MYO9A: variants seen among roughly 807,000 people sequenced by gnomAD.
MYO9A encodes myosin IXA.
Under a neutral mutation model 293.3 loss-of-function variants are expected in MYO9A, and 103 were observed. The ratio of observed to expected loss-of-function variants is 0.35; its 90% CI spans 0.30 to 0.41. The LOEUF is 0.41. MYO9A is among the 10% of genes least tolerant of loss of function. The pLI is 1.00. For synonymous variants in MYO9A, 1,001 were observed against 1,035.7 expected (o/e 0.97, Z 0.64); for missense variants, 2,685 against 3,033.0 (o/e 0.89, Z 2.69).
At chr15:71,848,723 T>G in intron 39 of MYO9A, 122 bp downstream of exon 39, 1 of 1,157,252 alleles carries the variant, frequency 8.6e-7, no homozygotes, top group South Asian at 2.1e-5. Flanking sequence ...TGAGATTTGG[T>G]GACGTTTTAC....
chr15:72,099,772 T>C (rs2080206001), intron 1 of MYO9A, among the ~76,000 whole-genome samples: 2 of 149,498 alleles, frequency 1.3e-5, no homozygotes, highest in African/African-American at 4.9e-5. Flanking sequence ...CATGGTGGCA[T>C]GCGCCTGTAG....
intron 18 of MYO9A, among the ~76,000 whole-genome samples, chr15:71,919,841 CAAAAAAAAAA>C (rs373980359): frequency 7.3e-5 from 6 of 82,482 alleles, no homozygotes; most frequent in African/African-American, 3.0e-4. Flanking sequence ...GACTCCATCT[CAAAAAAAAAA>C]AAAAAAAAAA....
intron 18 of MYO9A, among the ~76,000 whole-genome samples, chr15:71,921,923 A>G (rs1285890674): frequency 6.6e-6 from 1 of 152,014 alleles, no homozygotes; most frequent in Non-Finnish European, 1.5e-5. Flanking sequence ...CTCACTTTGC[A>G]AGTCCTCTCT....
Position 71,826,776 on chromosome 15 carries a change from T to C in MYO9A, c.7451A>G (p.Lys2484Arg). The C allele has an allele frequency of 6.2e-7, 1 of 1,614,168 alleles. No individual in the cohort carries two copies. The highest frequency in any genetic ancestry group is 8.5e-7 in the Non-Finnish European group (1 of 1,180,014). The change falls in exon 42 of 42, where the codon AAG (lysine) becomes AGG (arginine). Residue 2484 changes from lysine to arginine, a missense_variant. Transcript: ENST00000356056. ...PLGQTKFLEDKPQFISRGTFN... is the reference protein window; with the variant it reads ...PLGQTKFLEDRPQFISRGTFN... Reference sequence around the variant, plus strand: ...GGTTCCTCTGCTGATGAACTGAGGCTTGTCTTCCAGGAATTTGGTCTGGCC... The same window carrying C: ...GGTTCCTCTGCTGATGAACTGAGGCCTGTCTTCCAGGAATTTGGTCTGGCC...
At chr15:71,926,115 CTG>C (rs993934296) in intron 18 of MYO9A, among the ~76,000 whole-genome samples, 12 of 151,772 alleles carry the variant, frequency 7.9e-5, no homozygotes, top group African/African-American at 1.7e-4. Flanking sequence ...AGTGTAGTCT[CTG>C]TGTAATTTCT....
chr15:71,888,735 G>A (rs1419873701), intron 26 of MYO9A: 1 of 152,136 alleles, frequency 6.6e-6, no homozygotes, highest in African/African-American at 2.4e-5. Flanking sequence ...CCTGTTCTGA[G>A]GAGAGAATTT....
At chr15:72,106,797 CTAAAA>C (rs1307315739) in intron 1 of MYO9A, among the ~76,000 whole-genome samples, 2 of 151,968 alleles carry the variant, frequency 1.3e-5, no homozygotes, top group Non-Finnish European at 2.9e-5. Context: ...AAAGCAAATC[CTAAAA>C]TAAAATAAGT....
rs2057428684 is a variant in MYO9A at position 71,899,729 on chromosome 15, A to G, written c.3428T>C (p.Ile1143Thr). 2 of 1,614,016 alleles carry G rather than the reference A, an allele frequency of 1.2e-6. No homozygotes were observed. The highest frequency in any genetic ancestry group is 1.3e-5 in the African/African-American group (1 of 74,994). The change falls in exon 24 of 42, where the codon ATC (isoleucine) becomes ACC (threonine). Residue 1143 changes from isoleucine (I) to threonine (T), a missense_variant. This residue lies in a region of MYO9A where 1,434 missense variants were observed against 1,497.7 expected (regional missense o/e 0.96). Transcript: ENST00000356056. ...KRYQEQRKKI[I>T]LLQSTCRGFR... ...TCCTCTACATGTTGATTGCAAAAGG[A>G]TAATTTTTTTCCTTTGTTCTTGGTA...
intron 18 of MYO9A, among the ~76,000 whole-genome samples, chr15:71,924,287 G>A (rs1167896142): frequency 6.6e-6 from 1 of 151,914 alleles, no homozygotes; most frequent in Non-Finnish European, 1.5e-5. Flanking sequence ...TGTCACCCAG[G>A]TTGGAGCCCA....
chr15:71,838,643 CAATTT>C (rs1016779672), intron 39 of MYO9A, among the ~76,000 whole-genome samples: 2 of 152,122 alleles, frequency 1.3e-5, no homozygotes, highest in African/African-American at 4.8e-5. Context: ...TACTAAATCA[CAATTT>C]AATATTATAT....
chr15:71,848,773 T>C, intron 39 of MYO9A, 72 bp downstream of exon 39: 1 of 1,513,614 alleles, frequency 6.6e-7, no homozygotes, highest in African/African-American at 1.4e-5. Flanking sequence ...AATCCTTGTA[T>C]ACACCACAAA....
chr15:71,878,856 A>C (rs2056782997), intron 30 of MYO9A, among the ~76,000 whole-genome samples: 1 of 149,778 alleles, frequency 6.7e-6, no homozygotes, highest in Non-Finnish European at 1.5e-5. Flanking sequence ...GAATGGGTTC[A>C]AGCCATTCTC....
At chr15:71,928,739 T>C (rs2145570356) in intron 18 of MYO9A, among the ~76,000 whole-genome samples, 1 of 152,240 alleles carries the variant, frequency 6.6e-6, no homozygotes, top group South Asian at 2.1e-4. Flanking sequence ...CTTTTTCAGA[T>C]AGTTCATTTT....
Position 71,824,222 on chromosome 15 carries a change from C to A in MYO9A, c.*2358G>T, listed in dbSNP as rs1371986110. The A allele has an allele frequency of 6.6e-6, 1 of 152,056 alleles. No homozygotes were observed. The highest frequency in any genetic ancestry group is 1.5e-5 in the Non-Finnish European group (1 of 67,984). The allele number at this position is 152,056 out of a possible 1,614,324, so 9.4% of individuals were successfully genotyped here. On this transcript the variant is annotated 3_prime_UTR_variant, in exon 42 of 42. Transcript: ENST00000356056. ...ACAAGTTTTTTTAATTGAATTTTAT[C>A]CAAACTGGAGTTTCAGGTCCCTGAG... is the stretch of plus-strand genomic sequence containing the variant.
chr15:72,032,098 G>T (rs2077890069), intron 3 of MYO9A, among the ~76,000 whole-genome samples: 3 of 151,862 alleles, frequency 2.0e-5, no homozygotes, highest in Non-Finnish European at 4.4e-5. Flanking sequence ...TAGTGGAGAT[G>T]GGTTTTCACT....
intron 2 of MYO9A, among the ~76,000 whole-genome samples, chr15:72,035,321 G>T (rs1316271917): frequency 6.6e-6 from 1 of 151,982 alleles, no homozygotes; most frequent in Non-Finnish European, 1.5e-5. Flanking sequence ...ACACATCAAG[G>T]CACAAACATT....
At chr15:72,048,585 C>A (rs1457871694) in intron 1 of MYO9A, among the ~76,000 whole-genome samples, 1 of 151,922 alleles carries the variant, frequency 6.6e-6, no homozygotes. Context: ...ATAGTCTGTT[C>A]CATAGGTCTA....
intron 26 of MYO9A, chr15:71,888,665 C>T (rs946744710): frequency 6.6e-6 from 1 of 152,148 alleles, no homozygotes; most frequent in Non-Finnish European, 1.5e-5. Flanking sequence ...AAACTGTGAC[C>T]TGATTTTTAA....
intron 34 of MYO9A, among the ~76,000 whole-genome samples, chr15:71,859,054 C>T (rs2055999012): frequency 6.6e-6 from 1 of 152,188 alleles, no homozygotes; most frequent in South Asian, 2.1e-4. Flanking sequence ...AAATGTCTCA[C>T]TCATATTCTT....
Sources: gnomAD v4.1 joint callset for allele counts (sites outside exome capture counted in the v4.1 genomes callset) on GRCh38, gnomAD v4.1.1 for gene constraint, gnomAD v4.1.1 regional missense constraint, MANE v1.5 for transcripts, NCBI Gene and HGNC (gene_info 2026-07-23, HGNC 2026-07-21) for gene names.